Variants in SYN2 observed in about 807,000 individuals in gnomAD.
SYN2 encodes synapsin-2.
SYN2 carries 19 observed loss-of-function variants against 50.9 expected under a neutral mutation model. That is an observed-to-expected ratio of 0.37 (90% CI 0.26 to 0.55). The LOEUF is 0.55. Ranked by LOEUF, SYN2 falls within the 20% of genes least tolerant of loss-of-function variation. The pLI is 0.81. For synonymous variants in SYN2, 255 were observed against 224.9 expected (o/e 1.13, Z -1.20); for missense variants, 587 against 576.4 (o/e 1.02, Z -0.19).
Position 12,156,843 on chromosome 3 carries a change from C to T in SYN2, c.775-4703C>T, listed in dbSNP as rs942194324. ...ACCAGTCAAGAGATACTGCTTCTGG[C>T]TGTTGGCTTCTAGTTTCACACCACA... On this transcript the variant is annotated intron_variant, in intron 5 of 12. Coordinates refer to ENST00000621198, the MANE Select transcript of SYN2 (RefSeq NM_133625.6). 1 of 1,614,176 alleles carries T rather than the reference C, an allele frequency of 6.2e-7. No homozygotes were observed.
chr3:12,112,598 C>G (rs1189009778), intron 1 of SYN2, among the ~76,000 whole-genome samples: 1 of 152,144 alleles, frequency 6.6e-6, no homozygotes, highest in African/African-American at 2.4e-5. Context: ...ACATAATTCT[C>G]TAGGTTATCA....
intron 1 of SYN2, among the ~76,000 whole-genome samples, chr3:12,112,247 C>T (rs1696335131): frequency 6.6e-6 from 1 of 152,096 alleles, no homozygotes; most frequent in African/African-American, 2.4e-5. Context: ...ATCCCCTGCC[C>T]CATTGTTCCA....
At chr3:12,030,536 A>C (rs774639484) in intron 1 of SYN2, among the ~76,000 whole-genome samples, 4,732 of 151,552 alleles carry the variant, frequency 0.031, 245 homozygotes, top group African/African-American at 0.11. Context: ...TAAACTATTG[A>C]TTATTGCCAC....
At chr3:12,004,988 A>G in intron 1 of SYN2, 60 bp downstream of exon 1, 1 of 441,422 alleles carries the variant, frequency 2.3e-6, no homozygotes, top group African/African-American at 2.1e-5. Flanking sequence ...GCAGGCCAGG[A>G]GAGGACGGTC....
intron 1 of SYN2, among the ~76,000 whole-genome samples, chr3:12,069,813 T>G (rs1695305188): frequency 6.9e-6 from 1 of 144,368 alleles, no homozygotes; most frequent in Admixed American, 6.9e-5. Flanking sequence ...TTGTTTTGGG[T>G]TTTTTTTTTT....
intron 1 of SYN2, among the ~76,000 whole-genome samples, chr3:12,017,676 T>C (rs1559387087): frequency 6.6e-6 from 1 of 152,350 alleles, no homozygotes; most frequent in East Asian, 1.9e-4. Flanking sequence ...TGACAGATGT[T>C]CAGTGAATGT....
At chr3:12,124,245 A>G (rs531179971) in intron 1 of SYN2, among the ~76,000 whole-genome samples, 1 of 152,314 alleles carries the variant, frequency 6.6e-6, no homozygotes, top group Admixed American at 6.5e-5. Context: ...AATTCAGGGA[A>G]TATAAAAATG....
chr3:12,184,652 G>A (rs1698301896), intron 11 of SYN2: 1 of 985,818 alleles, frequency 1.0e-6, no homozygotes, highest in Admixed American at 6.1e-5. Flanking sequence ...TTTAGCTTGT[G>A]TGTGTTTTGG....
At chr3:12,059,724 C>G (rs1695073660) in intron 1 of SYN2, among the ~76,000 whole-genome samples, 1 of 152,078 alleles carries the variant, frequency 6.6e-6, no homozygotes, top group Non-Finnish European at 1.5e-5. Flanking sequence ...TGCTTATTTA[C>G]TTCTCAGGGC....
chr3:12,038,095 G>A (rs986498795), intron 1 of SYN2, among the ~76,000 whole-genome samples: 1 of 152,138 alleles, frequency 6.6e-6, no homozygotes, highest in Admixed American at 6.5e-5. Flanking sequence ...ATGCTGTGAA[G>A]AGTCCAAATT....
chr3:12,130,237 C>CGTGTGTGCGT (rs1553617308), intron 1 of SYN2, among the ~76,000 whole-genome samples: 5 of 149,120 alleles, frequency 3.4e-5, no homozygotes, highest in Admixed American at 1.3e-4. Context: ...TCTCTGTGTG[C>CGTGTGTGCGT]GTGTGTGTGT....
rs548502828 is a variant in SYN2 at position 12,175,415 on chromosome 3, G to T, written c.1308+5509G>T. Among the ~76,000 whole-genome samples the T allele has an allele frequency of 2.3e-3, 351 of 152,318 alleles. 1 individual carries two copies. Among genetic ancestry groups the T allele is most frequent in the African/African-American group, 8.0e-3 (332 of 41,578 alleles). ...TTTGCATAGCCAGCTCAGCCCTTAG[G>T]TGTTGTCACTGACTTGCTCACAGGC... is the stretch of plus-strand genomic sequence containing the variant. On this transcript the variant is annotated intron_variant, in intron 10 of 12. Transcript: ENST00000621198.
At chr3:12,119,945 C>G (rs775992449) in intron 1 of SYN2, among the ~76,000 whole-genome samples, 26 of 152,044 alleles carry the variant, frequency 1.7e-4, no homozygotes, top group Non-Finnish European at 3.2e-4. Flanking sequence ...ACCCCTGAAG[C>G]TAGAAAGTGT....
chr3:12,098,205 G>A (rs1182961706), intron 1 of SYN2, among the ~76,000 whole-genome samples: 3 of 152,102 alleles, frequency 2.0e-5, no homozygotes, highest in Admixed American at 6.5e-5. Context: ...AAACCATGGA[G>A]ACCAGAGGCA....
intron 7 of SYN2, among the ~76,000 whole-genome samples, chr3:12,162,413 A>C (rs1454684816): frequency 6.6e-6 from 1 of 152,224 alleles, no homozygotes; most frequent in Non-Finnish European, 1.5e-5. Flanking sequence ...TTACCTGTAC[A>C]TAGGAGTTTG....
rs77094957 is a variant in SYN2 at position 12,068,656 on chromosome 3, T to A, written c.377+63728T>A. ...TCCGAATTTATCAGTAGATTTAAAT[T>A]TTTTTCTCTTCTGTTTTTCATTTCT... On this transcript the variant is annotated intron_variant, in intron 1 of 12. Coordinates refer to ENST00000621198, the MANE Select transcript of SYN2 (RefSeq NM_133625.6). 1.1e-4 allele frequency among the ~76,000 whole-genome samples: 16 copies of A among 152,288 alleles called. No individual in the cohort carries two copies. The East Asian group carries it at 3.1e-3, about 29-fold the overall frequency.
At chr3:12,087,376 A>C (rs1695725689) in intron 1 of SYN2, among the ~76,000 whole-genome samples, 1 of 152,218 alleles carries the variant, frequency 6.6e-6, no homozygotes, top group Non-Finnish European at 1.5e-5. Flanking sequence ...AATTTGTAAG[A>C]AACCGTAAAA....
At chr3:12,062,101 C>T (rs1695123707) in intron 1 of SYN2, among the ~76,000 whole-genome samples, 1 of 151,976 alleles carries the variant, frequency 6.6e-6, no homozygotes, top group Non-Finnish European at 1.5e-5. Context: ...AGGATTCACA[C>T]AACTTGATTT....
intron 1 of SYN2, among the ~76,000 whole-genome samples, chr3:12,054,466 G>A (rs1694944674): frequency 6.6e-6 from 1 of 152,108 alleles, no homozygotes; most frequent in Admixed American, 6.5e-5. Context: ...CACTCTGGTG[G>A]CCCCTGAAGG....
Sources: allele counts gnomAD v4.1 joint callset (sites outside exome capture counted in the v4.1 genomes callset), GRCh38; gene constraint gnomAD v4.1.1; transcripts MANE v1.5; gene names NCBI Gene and HGNC (gene_info 2026-07-23, HGNC 2026-07-21).